JAM2: variants seen among roughly 807,000 people sequenced by gnomAD.
JAM2 encodes junctional adhesion molecule B.
Under a neutral mutation model 42.0 loss-of-function variants are expected in JAM2, and 17 were observed. The observed-to-expected ratio is 0.40, with a 90% CI of 0.28 to 0.61. JAM2 has a LOEUF of 0.61. Among genes scored for constraint, JAM2 ranks in the 20% least tolerant of loss-of-function variants. The probability of loss-of-function intolerance (pLI) is 0.37; values close to 1 mark genes in which losing one functional copy is unlikely to be tolerated. For missense variants in JAM2, 319 were observed against 358.3 expected (o/e 0.89, Z 0.89); for synonymous variants, 118 against 128.6 (o/e 0.92, Z 0.56).
intron 1 of JAM2, among the ~76,000 whole-genome samples, chr21:25,645,106 C>T (rs1219407704): frequency 6.6e-6 from 1 of 152,204 alleles, no homozygotes; most frequent in African/African-American, 2.4e-5. Context: ...GTCTTGATCT[C>T]CTGACCTCAG....
At chr21:25,646,001 G>A (rs1179286545) in intron 1 of JAM2, among the ~76,000 whole-genome samples, 1 of 152,218 alleles carries the variant, frequency 6.6e-6, no homozygotes, top group Non-Finnish European at 1.5e-5. Flanking sequence ...TGAGTGAGTG[G>A]TGAGTGAATG....
chr21:25,653,671 A>G (rs531350796), intron 1 of JAM2, among the ~76,000 whole-genome samples: 14 of 152,296 alleles, frequency 9.2e-5, no homozygotes, highest in Admixed American at 2.6e-4. Flanking sequence ...AGAAACTGCC[A>G]CCATGATTGT....
At chr21:25,654,731 A>G (rs2123321840) in intron 1 of JAM2, among the ~76,000 whole-genome samples, 1 of 152,134 alleles carries the variant, frequency 6.6e-6, no homozygotes, top group Middle Eastern at 3.4e-3. Flanking sequence ...AAAGAAAATG[A>G]CCTTCACTTG....
At position 25,702,286 on chromosome 21, in the gene JAM2, G is replaced by T; in HGVS notation, c.697+17G>T. Reference sequence around the variant, plus strand: ...TGCAAGTAGGTAAGCATGAAATATTGGGAGGAACAAATGGTTTGCAATTCG... The same window carrying T: ...TGCAAGTAGGTAAGCATGAAATATTTGGAGGAACAAATGGTTTGCAATTCG... On this transcript the variant is annotated intron_variant, in intron 6 of 9. Coordinates refer to ENST00000480456, the MANE Select transcript of JAM2 (RefSeq NM_021219.4). The T allele has an allele frequency of 6.6e-7, 1 of 1,518,988 alleles. No individual in the cohort carries two copies. The highest frequency in any genetic ancestry group is 2.3e-5 in the East Asian group (1 of 43,970). 94.1% of individuals were successfully genotyped at this position (1,518,988 alleles called of 1,614,324 possible). A position where few individuals can be genotyped will look rare whatever the true frequency, so the allele number is the denominator to read the frequency against.
intron 1 of JAM2, among the ~76,000 whole-genome samples, chr21:25,665,584 A>G (rs1287507071): frequency 6.6e-6 from 1 of 152,170 alleles, no homozygotes; most frequent in Non-Finnish European, 1.5e-5. Flanking sequence ...CAAGCAAGCT[A>G]CAGACCCAGG....
chr21:25,645,505 G>C (rs1376058774), intron 1 of JAM2, among the ~76,000 whole-genome samples: 1 of 152,150 alleles, frequency 6.6e-6, no homozygotes, highest in Non-Finnish European at 1.5e-5. Flanking sequence ...TTGGGGTGGG[G>C]GGAGTCAAAC....
intron 1 of JAM2, among the ~76,000 whole-genome samples, chr21:25,647,961 A>C (rs999365650): frequency 2.6e-5 from 4 of 152,246 alleles, no homozygotes; most frequent in Non-Finnish European, 4.4e-5. Context: ...CTGTAATCCC[A>C]GCACTTTGGG....
chr21:25,698,491 C>T (rs1280264400), intron 4 of JAM2, among the ~76,000 whole-genome samples, 186 bp from the exon 5 acceptor site: 3 of 152,148 alleles, frequency 2.0e-5, no homozygotes, highest in East Asian at 1.9e-4. Context: ...CGACTGTGTG[C>T]CCATGAAGAA....
intron 1 of JAM2, among the ~76,000 whole-genome samples, chr21:25,667,471 A>G (rs1186301314): frequency 6.6e-6 from 1 of 152,240 alleles, no homozygotes; most frequent in East Asian, 1.9e-4. Flanking sequence ...GAGAGACGTC[A>G]TTCACATAAT....
chr21:25,693,555 C>T (rs2033929338), intron 3 of JAM2, among the ~76,000 whole-genome samples: 1 of 152,100 alleles, frequency 6.6e-6, no homozygotes. Context: ...TCATGCCTGG[C>T]CTTTTGAACA....
At chr21:25,669,572 T>C (rs2033308800) in intron 1 of JAM2, among the ~76,000 whole-genome samples, 1 of 152,154 alleles carries the variant, frequency 6.6e-6, no homozygotes, top group Admixed American at 6.5e-5. Flanking sequence ...TTATAGAGAA[T>C]CTACTGTGTG....
At chr21:25,708,360 G>A (rs1005721863) in intron 7 of JAM2, among the ~76,000 whole-genome samples, 5 of 152,046 alleles carry the variant, frequency 3.3e-5, no homozygotes, top group African/African-American at 1.2e-4. Context: ...CTTGAGTCCA[G>A]GACTTCACGA....
chr21:25,643,171 A>T (rs1001323867), intron 1 of JAM2, among the ~76,000 whole-genome samples: 2 of 152,264 alleles, frequency 1.3e-5, no homozygotes, highest in Non-Finnish European at 2.9e-5. Context: ...AGAAGTGTAT[A>T]GATTGAACTG....
At chr21:25,648,246 G>T (rs2032669368) in intron 1 of JAM2, among the ~76,000 whole-genome samples, 1 of 152,116 alleles carries the variant, frequency 6.6e-6, no homozygotes, top group Non-Finnish European at 1.5e-5. Context: ...TTTCAAATAG[G>T]AATGGATTTT....
At chr21:25,641,575 T>G (rs902531956) in intron 1 of JAM2, among the ~76,000 whole-genome samples, 2 of 145,480 alleles carry the variant, frequency 1.4e-5, no homozygotes, top group Non-Finnish European at 3.0e-5. Context: ...ATTGCAAGAG[T>G]GTTTTCTTTG....
At chr21:25,695,458 G>A (rs1568912565) in intron 4 of JAM2, among the ~76,000 whole-genome samples, 1 of 152,166 alleles carries the variant, frequency 6.6e-6, no homozygotes, top group African/African-American at 2.4e-5. Context: ...AACCGCCATC[G>A]TCATCATGGC....
intron 1 of JAM2, chr21:25,643,822 T>C (rs1279596453): frequency 1.3e-5 from 2 of 152,160 alleles, no homozygotes; most frequent in East Asian, 3.8e-4. Context: ...ACATGAGCAG[T>C]TTAATGAGAG....
At chr21:25,674,384 G>A (rs568372574) in intron 1 of JAM2, among the ~76,000 whole-genome samples, 43 of 152,126 alleles carry the variant, frequency 2.8e-4, no homozygotes, top group African/African-American at 1.0e-3. Flanking sequence ...GACAGAGCGA[G>A]ACTCTGCCTC....
intron 1 of JAM2, among the ~76,000 whole-genome samples, chr21:25,640,310 G>T (rs1282255232): frequency 6.6e-6 from 1 of 152,212 alleles, no homozygotes; most frequent in Non-Finnish European, 1.5e-5. Flanking sequence ...CCCCGGGGAG[G>T]GGGCAGCGTC....
Sources: allele counts gnomAD v4.1 joint callset (sites outside exome capture counted in the v4.1 genomes callset), GRCh38; gene constraint gnomAD v4.1.1; transcripts MANE v1.5; gene names NCBI Gene and HGNC (gene_info 2026-07-23, HGNC 2026-07-21).